Variants in DNER observed in about 807,000 individuals in gnomAD.
The protein encoded by DNER is delta/notch like EGF repeat containing.
A neutral mutation model predicts 78.2 loss-of-function variants in DNER; 33 were observed. The ratio of observed to expected loss-of-function variants is 0.42; its 90% confidence interval spans 0.32 to 0.56. The LOEUF is 0.56. Among genes scored for constraint, DNER ranks in the 20% least tolerant of loss-of-function variants. The pLI is 0.11. For missense variants in DNER, 918 were observed against 975.3 expected (o/e 0.94, Z 0.78); for synonymous variants, 417 against 384.8 (o/e 1.08, Z -0.98).
chr2:229,541,030 T>C (rs1431997647), intron 5 of DNER, among the ~76,000 whole-genome samples: 22 of 152,228 alleles, frequency 1.4e-4, no homozygotes, highest in Non-Finnish European at 1.3e-4. Flanking sequence ...TTTATCTTTA[T>C]TACTAACTCC....
At chr2:229,443,287 C>G (rs1694274446) in intron 8 of DNER, among the ~76,000 whole-genome samples, 1 of 152,202 alleles carries the variant, frequency 6.6e-6, no homozygotes, top group East Asian at 1.9e-4. Flanking sequence ...CGGTCATGTA[C>G]AGCTATTATC....
chr2:229,614,829 T>C (rs1698122905), intron 1 of DNER, among the ~76,000 whole-genome samples: 1 of 152,234 alleles, frequency 6.6e-6, no homozygotes, highest in Non-Finnish European at 1.5e-5. Context: ...CAATATGATA[T>C]TAGGTGATTA....
intron 6 of DNER, among the ~76,000 whole-genome samples, chr2:229,508,049 T>G (rs1231815858): frequency 6.6e-6 from 1 of 152,072 alleles, no homozygotes. Context: ...ACACAGATAA[T>G]GGCACATAAA....
At chr2:229,590,205 C>A (rs916424334) in intron 2 of DNER, among the ~76,000 whole-genome samples, 7 of 152,058 alleles carry the variant, frequency 4.6e-5, no homozygotes, top group African/African-American at 1.7e-4. Flanking sequence ...ACTCTTCTAC[C>A]CAGCAAATTT....
At chr2:229,614,146 G>A (rs1331837489) in intron 1 of DNER, among the ~76,000 whole-genome samples, 3 of 151,288 alleles carry the variant, frequency 2.0e-5, no homozygotes, top group Admixed American at 6.6e-5. Context: ...CCTGCACATT[G>A]TGCACATGTA....
At chr2:229,585,723 A>T in intron 4 of DNER, 135 bp downstream of exon 4, 2 of 903,810 alleles carry the variant, frequency 2.2e-6, no homozygotes, top group Non-Finnish European at 3.3e-6. Flanking sequence ...CTAAAACCTT[A>T]CCAAAGTGAA....
At chr2:229,584,115 T>C (rs1697452486) in intron 4 of DNER, among the ~76,000 whole-genome samples, 1 of 152,206 alleles carries the variant, frequency 6.6e-6, no homozygotes, top group African/African-American at 2.4e-5. Flanking sequence ...TGAGTCTAAA[T>C]GCATATTTTC....
chr2:229,708,210 A>C (rs923588841), intron 1 of DNER, among the ~76,000 whole-genome samples: 18 of 152,226 alleles, frequency 1.2e-4, no homozygotes, highest in Admixed American at 1.2e-3. Flanking sequence ...GCCACATGCT[A>C]TACACTGAAC....
intron 6 of DNER, among the ~76,000 whole-genome samples, chr2:229,509,129 C>T (rs1380384333): frequency 6.6e-6 from 1 of 152,106 alleles, no homozygotes; most frequent in Non-Finnish European, 1.5e-5. Flanking sequence ...GAGAGTGCCA[C>T]AGACCGGGTG....
rs1173457240 is a variant in DNER at position 229,374,719 on chromosome 2, TTCAA to T, written c.1856-7604_1856-7601del. Among the ~76,000 whole-genome samples, 5 of 152,154 alleles carry T rather than the reference TTCAA, an allele frequency of 3.3e-5. No individual in the cohort carries two copies. In the East Asian group the frequency reaches 9.6e-4, roughly 29 times the overall value. On this transcript the variant is annotated intron_variant, in intron 11 of 12. Transcript: ENST00000341772. ...GTGCCCTGGTTCTAAAGCCACACAC[TTCAA>T]TCAATAAGGAATGTTTTGCAAACTG...
intron 7 of DNER, among the ~76,000 whole-genome samples, chr2:229,452,445 C>T (rs945735232): frequency 6.6e-6 from 1 of 151,956 alleles, no homozygotes; most frequent in Non-Finnish European, 1.5e-5. Context: ...AGGTGTAATA[C>T]AATAGGGACT....
chr2:229,640,408 G>T (rs1698597053), intron 1 of DNER, among the ~76,000 whole-genome samples: 1 of 151,674 alleles, frequency 6.6e-6, no homozygotes, highest in African/African-American at 2.4e-5. Context: ...ATCATCAGAT[G>T]ATACAGGAGG....
intron 6 of DNER, among the ~76,000 whole-genome samples, chr2:229,494,413 A>G (rs1292283037): frequency 6.6e-6 from 1 of 152,230 alleles, no homozygotes; most frequent in East Asian, 1.9e-4. Flanking sequence ...TTCCCATTCC[A>G]AAAGGAAGAA....
At position 229,711,008 on chromosome 2, in the gene DNER, C is replaced by CAT. The variant is rs768814659; in HGVS notation, c.276+3139_276+3140insAT. On this transcript the variant is annotated intron_variant, in intron 1 of 12. Transcript: ENST00000341772. ...GCACACACACACACACACACACACA[C>CAT]ACACACACACACAGGATACAAAAAG... 8.6e-5 allele frequency among the ~76,000 whole-genome samples: 13 copies of CAT among 151,682 alleles called. No homozygotes were observed. In the East Asian group the frequency reaches 2.3e-3, roughly 27 times the overall value.
chr2:229,657,922 A>AT (rs146803213), intron 1 of DNER, among the ~76,000 whole-genome samples: 1,588 of 152,188 alleles, frequency 0.01, 33 homozygotes, highest in African/African-American at 0.036. Context: ...ATGATCATTA[A>AT]TTTAAAAAAA....
intron 5 of DNER, among the ~76,000 whole-genome samples, chr2:229,521,882 C>T (rs1696105615): frequency 1.3e-5 from 2 of 152,060 alleles, no homozygotes. Context: ...TTGGCTGGGT[C>T]TTATTGTTCT....
rs79167021 is a variant in DNER, at chr2:229,559,100, G to T, written c.848-12008C>A. On this transcript the variant is annotated intron_variant, in intron 4 of 12. Transcript: ENST00000341772. Reference sequence around the variant, plus strand: ...CATAGATAGTTTAGGCAACTTTGTGGGGGGTGTGGTGGTAGGCAAGTGAAT... The same window carrying T: ...CATAGATAGTTTAGGCAACTTTGTGTGGGGTGTGGTGGTAGGCAAGTGAAT... Among the ~76,000 whole-genome samples the T allele has an allele frequency of 3.7e-4, 57 of 152,272 alleles. No homozygotes were observed. The East Asian group carries it at 7.7e-3, about 21-fold the overall frequency.
chr2:229,650,223 T>G (rs1319621881), intron 1 of DNER, among the ~76,000 whole-genome samples: 2 of 152,180 alleles, frequency 1.3e-5, no homozygotes, highest in Non-Finnish European at 2.9e-5. Flanking sequence ...ACCCTTCACT[T>G]GGGCTGTACT....
chr2:229,416,341 C>T (rs1437368275), intron 9 of DNER, among the ~76,000 whole-genome samples: 1 of 152,194 alleles, frequency 6.6e-6, no homozygotes, highest in South Asian at 2.1e-4. Context: ...AAACTTTTCT[C>T]CCTCTCTGAG....
Sources: allele counts gnomAD v4.1 joint callset (sites outside exome capture counted in the v4.1 genomes callset), GRCh38; gene constraint gnomAD v4.1.1; transcripts MANE v1.5; gene names NCBI Gene and HGNC (gene_info 2026-07-23, HGNC 2026-07-21).